CCSER1: variants seen among roughly 807,000 people sequenced by gnomAD.
CCSER1 encodes the protein serine-rich coiled-coil domain-containing protein 1.
A neutral mutation model predicts 82.0 loss-of-function variants in CCSER1; 41 were observed. The observed-to-expected ratio is 0.50, with a 90% CI of 0.39 to 0.65. The LOEUF (loss-of-function observed/expected upper bound fraction) is 0.65. CCSER1 is among the 30% of genes least tolerant of loss of function. The pLI, the probability that CCSER1 is intolerant of heterozygous loss-of-function variation, is 0.00. For missense variants in CCSER1, 1,119 were observed against 1,064.2 expected (o/e 1.05, Z -0.72); for synonymous variants, 414 against 383.9 (o/e 1.08, Z -0.92).
At chr4:90,164,642 G>A (rs994623849) in intron 1 of CCSER1, among the ~76,000 whole-genome samples, 1 of 152,116 alleles carries the variant, frequency 6.6e-6, no homozygotes, top group Non-Finnish European at 1.5e-5. Flanking sequence ...ATAAAGCGAA[G>A]AGGAAAATTA....
At chr4:90,205,947 T>G (rs929747614) in intron 1 of CCSER1, among the ~76,000 whole-genome samples, 3 of 152,154 alleles carry the variant, frequency 2.0e-5, no homozygotes, top group African/African-American at 7.2e-5. Context: ...TGTTCAGGAA[T>G]TTATCCATTT....
chr4:91,157,676 G>A (rs981518035), intron 10 of CCSER1, among the ~76,000 whole-genome samples: 1 of 151,944 alleles, frequency 6.6e-6, no homozygotes, highest in African/African-American at 2.4e-5. Context: ...TACTTGGCTG[G>A]ATCTTGTCTT....
intron 5 of CCSER1, among the ~76,000 whole-genome samples, chr4:90,478,517 A>G (rs886974082): frequency 3.3e-5 from 5 of 152,166 alleles, no homozygotes; most frequent in African/African-American, 1.2e-4. Flanking sequence ...TTAAAATAAT[A>G]AATTGGTTTA....
intron 10 of CCSER1, among the ~76,000 whole-genome samples, chr4:91,520,056 G>A (rs996190870): frequency 3.9e-5 from 6 of 152,000 alleles, no homozygotes; most frequent in African/African-American, 7.3e-5. Flanking sequence ...ATTTACTATT[G>A]TTTTCTACGT....
intron 10 of CCSER1, among the ~76,000 whole-genome samples, chr4:91,527,277 A>G (rs1308829769): frequency 1.3e-5 from 2 of 152,160 alleles, no homozygotes; most frequent in Non-Finnish European, 2.9e-5. Context: ...ACTTGCTCTG[A>G]GATTAAGTTG....
intron 6 of CCSER1, among the ~76,000 whole-genome samples, chr4:90,699,601 T>A (rs1178830992): frequency 6.6e-6 from 1 of 152,174 alleles, no homozygotes; most frequent in African/African-American, 2.4e-5. Context: ...GTTTTCAGTT[T>A]AAAGTAATTT....
At chr4:90,460,048 C>T (rs1007257161) in intron 4 of CCSER1, among the ~76,000 whole-genome samples, 6 of 146,272 alleles carry the variant, frequency 4.1e-5, no homozygotes, top group South Asian at 2.1e-4. Context: ...CTAAGGCGGC[C>T]GGGCGCGGTG....
intron 10 of CCSER1, among the ~76,000 whole-genome samples, chr4:91,591,961 C>G (rs1247369955): frequency 1.3e-5 from 2 of 151,978 alleles, no homozygotes; most frequent in African/African-American, 2.4e-5. Flanking sequence ...GTTAAATAAG[C>G]CATTTTAATA....
chr4:90,838,484 AT>A (rs58906089), intron 8 of CCSER1, among the ~76,000 whole-genome samples: 8,879 of 105,556 alleles, frequency 0.084, 504 homozygotes, highest in African/African-American at 0.17. Context: ...ATTTCATAAT[AT>A]TTTTTTTAAG....
chr4:90,890,591 G>A (rs1309016673), intron 8 of CCSER1, among the ~76,000 whole-genome samples: 1 of 152,116 alleles, frequency 6.6e-6, no homozygotes, highest in Non-Finnish European at 1.5e-5. Context: ...GACTTGGCCT[G>A]GACTGGGACA....
At chr4:90,432,238 CTT>C (rs376877344) in intron 4 of CCSER1, among the ~76,000 whole-genome samples, 35 of 152,138 alleles carry the variant, frequency 2.3e-4, no homozygotes, top group East Asian at 1.5e-3. Flanking sequence ...AAAATAAAGT[CTT>C]AATCAGAGGC....
chr4:90,308,540 A>G lies in CCSER1; in HGVS notation c.256A>G (p.Asn86Asp). Residue 86 changes from asparagine (N) to aspartate (D), a missense_variant, in exon 2 of 11, where the codon AAC (asparagine) becomes GAC (aspartate). Physicochemically the swap from Asn to Asp is conservative, Grantham distance 23. Transcript: ENST00000509176. ...SEPKQEPTNQ[N>D]LSISNGAQPG... ...GCCTAAGCAAGAGCCTACCAACCAG[A>G]ACCTTAGTATTTCAAATGGTGCTCA... The G allele has an allele frequency of 6.2e-7, 1 of 1,613,954 alleles. No homozygotes were observed. The highest frequency in any genetic ancestry group is 8.5e-7 in the Non-Finnish European group (1 of 1,179,866).
chr4:90,714,471 T>A (rs1741255191), intron 6 of CCSER1, among the ~76,000 whole-genome samples: 1 of 151,384 alleles, frequency 6.6e-6, no homozygotes, highest in African/African-American at 2.4e-5. Context: ...ATAAGATAAA[T>A]GAACTGAGGG....
At chr4:91,165,557 G>A (rs932053833) in intron 10 of CCSER1, among the ~76,000 whole-genome samples, 3 of 152,222 alleles carry the variant, frequency 2.0e-5, no homozygotes, top group Non-Finnish European at 4.4e-5. Flanking sequence ...AGAGGCAGCA[G>A]GCCTTGCAGA....
intron 6 of CCSER1, among the ~76,000 whole-genome samples, chr4:90,637,859 G>A (rs1725711227): frequency 6.7e-6 from 1 of 148,290 alleles, no homozygotes; most frequent in South Asian, 2.1e-4. Context: ...ATCCTTATTT[G>A]TAGTTGTAGA....
chr4:90,236,128 G>T (rs1264721387), intron 1 of CCSER1, among the ~76,000 whole-genome samples: 5 of 152,032 alleles, frequency 3.3e-5, no homozygotes, highest in African/African-American at 1.2e-4. Context: ...TTTTTGTAGA[G>T]ATGTTGCTCA....
chr4:90,411,686 G>A (rs1382687411), intron 4 of CCSER1, among the ~76,000 whole-genome samples: 2 of 152,160 alleles, frequency 1.3e-5, no homozygotes, highest in African/African-American at 4.8e-5. Flanking sequence ...ACAAAAACTG[G>A]AAGCATTCCC....
intron 10 of CCSER1, among the ~76,000 whole-genome samples, chr4:91,489,672 C>T (rs961555900): frequency 1.3e-5 from 2 of 152,124 alleles, no homozygotes; most frequent in Non-Finnish European, 2.9e-5. Flanking sequence ...CTTGTAATCC[C>T]AGCTACTTGG....
At chr4:90,142,216 A>G (rs975829179) in intron 1 of CCSER1, among the ~76,000 whole-genome samples, 4 of 152,324 alleles carry the variant, frequency 2.6e-5, no homozygotes, top group South Asian at 2.1e-4. Context: ...TGTTAAGGTC[A>G]TGTAACTTAG....
Sources: allele counts gnomAD v4.1 joint callset (sites outside exome capture counted in the v4.1 genomes callset), GRCh38; gene constraint gnomAD v4.1.1; transcripts MANE v1.5; gene names NCBI Gene and HGNC (gene_info 2026-07-23, HGNC 2026-07-21).